CATSPERE: variants seen among roughly 807,000 people sequenced by gnomAD.
CATSPERE encodes the protein catsper channel auxiliary subunit epsilon.
A neutral mutation model predicts 114.1 loss-of-function variants in CATSPERE; 93 were observed. The ratio of observed to expected loss-of-function variants is 0.81; its 90% CI spans 0.69 to 0.97. The LOEUF (loss-of-function observed/expected upper bound fraction) is 0.97, where lower values mean the gene tolerates loss of function less well. Among genes scored for constraint, CATSPERE ranks in the 50% least tolerant of loss-of-function variants. The pLI is 0.00. For synonymous variants in CATSPERE, 341 were observed against 384.1 expected, an observed-to-expected ratio of 0.89 and a Z score of 1.31; for missense variants, 1,058 against 1,131.6, an observed-to-expected ratio of 0.93 and a Z score of 0.93.
At chr1:244,625,426 A>ATTTTTTTTTTTTTTTTTTTTT (rs1326525192) in intron 20 of CATSPERE, among the ~76,000 whole-genome samples, 1 of 3,944 alleles carries the variant, frequency 2.5e-4, no homozygotes, top group African/African-American at 5.1e-4. Context: ...ATATATATAT[A>ATTTTTTTTTTTTTTTTTTTTT]TATATATTTT....
At position 244,518,774 on chromosome 1, in the gene CATSPERE, A is replaced by G. The variant is rs115284937; in HGVS notation, c.536+76A>G. ...GATTTTAAAATCCTAGTGGAACTTA[A>G]TGAAATGTGTCTTATATGTTATTTT... On this transcript the variant is annotated intron_variant, in intron 8 of 21. Coordinates refer to ENST00000366534, the MANE Select transcript of CATSPERE (RefSeq NM_001130957.2). 1.1e-3 allele frequency: 845 copies of G among 756,078 alleles called. 3 individuals are homozygous for G. The African/African-American group carries it at 0.014, about 13-fold the overall frequency. 46.8% of individuals were successfully genotyped at this position (756,078 alleles called of 1,614,324 possible).
chr1:244,615,300 G>A (rs1174916718), intron 19 of CATSPERE, among the ~76,000 whole-genome samples: 1 of 150,152 alleles, frequency 6.7e-6, no homozygotes, highest in African/African-American at 2.4e-5. Context: ...AGGTGCTACT[G>A]GAATTCTTTA....
intron 17 of CATSPERE, among the ~76,000 whole-genome samples, chr1:244,601,453 G>A (rs1448052373): frequency 1.3e-5 from 2 of 152,158 alleles, no homozygotes. Context: ...AGATACCTCA[G>A]AATGAAGCCA....
chr1:244,542,154 TA>T (rs539959314), intron 8 of CATSPERE, among the ~76,000 whole-genome samples: 17,634 of 140,436 alleles, frequency 0.13, 1,759 homozygotes, highest in African/African-American at 0.28. Flanking sequence ...ACATAAAGTA[TA>T]AAAAAAAAAA....
intron 5 of CATSPERE, among the ~76,000 whole-genome samples, chr1:244,480,607 A>G (rs1670104185): frequency 1.7e-5 from 1 of 57,318 alleles, no homozygotes; most frequent in Admixed American, 1.8e-4. Flanking sequence ...AACCAATCAG[A>G]ATACTCATGT....
At chr1:244,451,868 G>A (rs1464810136), upstream of CATSPERE, 7 of 1,489,362 alleles carry the variant, frequency 4.7e-6, no homozygotes, top group South Asian at 7.7e-5. The surrounding 1 kb of genome is among the most constrained non-coding windows in gnomAD (Gnocchi z 6.6). Context: ...GGCGAGGAGT[G>A]AGCGAACTGA....
chr1:244,604,274 T>A (rs1429947357), intron 17 of CATSPERE, among the ~76,000 whole-genome samples: 4 of 152,280 alleles, frequency 2.6e-5, no homozygotes, highest in Non-Finnish European at 5.9e-5. Context: ...CATGCCTGTT[T>A]GAGAACTAAC....
At chr1:244,565,729 T>A (rs1406549837) in intron 10 of CATSPERE, among the ~76,000 whole-genome samples, 1 of 148,552 alleles carries the variant, frequency 6.7e-6, no homozygotes, top group Non-Finnish European at 1.5e-5. Context: ...ATTCATAGAT[T>A]TCATAGATTC....
At chr1:244,464,143 A>G (rs1667232043) in intron 2 of CATSPERE, among the ~76,000 whole-genome samples, 187 bp downstream of exon 2, 1 of 152,210 alleles carries the variant, frequency 6.6e-6, no homozygotes, top group Admixed American at 6.5e-5. Flanking sequence ...GCATGTAGCA[A>G]AAATAGTGTT....
At chr1:244,511,262 A>G (rs541136160) in intron 7 of CATSPERE, among the ~76,000 whole-genome samples, 88 of 152,218 alleles carry the variant, frequency 5.8e-4, no homozygotes, top group African/African-American at 2.0e-3. Flanking sequence ...TGTTTTACCT[A>G]CTATAAGAAT....
intron 19 of CATSPERE, among the ~76,000 whole-genome samples, chr1:244,616,011 C>G (rs935487422): frequency 1.3e-5 from 2 of 151,134 alleles, no homozygotes; most frequent in African/African-American, 2.4e-5. Context: ...TGCCTGTAGT[C>G]CCAACTTCTA....
chr1:244,618,289 C>T (rs965540715), intron 20 of CATSPERE, among the ~76,000 whole-genome samples: 2 of 151,842 alleles, frequency 1.3e-5, no homozygotes, highest in Non-Finnish European at 2.9e-5. Context: ...CTTGTGGAGT[C>T]GCAAAGGAAG....
At chr1:244,621,148 A>AT (rs1558609974) in intron 20 of CATSPERE, among the ~76,000 whole-genome samples, 34 of 64,778 alleles carry the variant, frequency 5.2e-4, no homozygotes, top group East Asian at 1.2e-3. Context: ...AAATATATAT[A>AT]TTATAAAATA....
At chr1:244,580,211 A>ATTTTTTTTTT (rs747379847) in intron 11 of CATSPERE, among the ~76,000 whole-genome samples, 10 of 110,796 alleles carry the variant, frequency 9.0e-5, no homozygotes, top group Middle Eastern at 4.8e-3. Context: ...TAATTTTTGT[A>ATTTTTTTTTT]TTTTTTTTTT....
At chr1:244,584,151 AAAAC>A (rs1211440522) in intron 13 of CATSPERE, among the ~76,000 whole-genome samples, 4 of 152,200 alleles carry the variant, frequency 2.6e-5, no homozygotes, top group Admixed American at 1.3e-4. Flanking sequence ...ATTTAATAAA[AAAAC>A]AAAGAAAAAA....
At chr1:244,626,558 A>T (rs1412326874) in intron 20 of CATSPERE, among the ~76,000 whole-genome samples, 1 of 152,006 alleles carries the variant, frequency 6.6e-6, no homozygotes, top group Non-Finnish European at 1.5e-5. Flanking sequence ...TCCACACTGA[A>T]AATCTGTTGT....
chr1:244,497,664 C>T lies in CATSPERE; in HGVS notation c.352-1338C>T, dbSNP rs559579814. On this transcript the variant is annotated intron_variant, in intron 6 of 21. Transcript: ENST00000366534. ...ATATAAAAAATAGCCGGGCATGGTG[C>T]TGGGCACCTGTAATCCCAGCTACTC... Among the ~76,000 whole-genome samples, 14 of 152,092 alleles carry T rather than the reference C, an allele frequency of 9.2e-5. No homozygotes were observed. In the South Asian group the frequency reaches 2.7e-3, roughly 29 times the overall value.
At chr1:244,549,337 C>G (rs908552040) in intron 8 of CATSPERE, among the ~76,000 whole-genome samples, 7 of 152,144 alleles carry the variant, frequency 4.6e-5, no homozygotes, top group Non-Finnish European at 1.0e-4. Flanking sequence ...AGCCTATAAC[C>G]ACATAACCAG....
intron 7 of CATSPERE, among the ~76,000 whole-genome samples, chr1:244,512,402 A>G (rs1675924121): frequency 1.3e-5 from 2 of 152,152 alleles, no homozygotes; most frequent in East Asian, 3.9e-4. Context: ...TTTCTTTAAT[A>G]TCTATCTGTT....
Sources: allele counts gnomAD v4.1 joint callset (sites outside exome capture counted in the v4.1 genomes callset), GRCh38; gene constraint gnomAD v4.1.1; non-coding constraint Gnocchi (gnomAD v3.1); transcripts MANE v1.5; gene names NCBI Gene and HGNC (gene_info 2026-07-23, HGNC 2026-07-21).